GRM5: variants seen among roughly 807,000 people sequenced by gnomAD.
GRM5 encodes metabotropic glutamate receptor 5.
Under a neutral mutation model 83.1 loss-of-function variants are expected in GRM5, and 19 were observed. The ratio of observed to expected loss-of-function variants is 0.23; its 90% CI spans 0.16 to 0.34. The LOEUF is 0.34. Among genes scored for constraint, GRM5 ranks in the 10% least tolerant of loss-of-function variants. The pLI is 1.00. For missense variants in GRM5, 1,160 were observed against 1,588.3 expected (o/e 0.73, Z 4.58); for synonymous variants, 675 against 633.6 (o/e 1.07, Z -0.98).
chr11:88,906,024 T>C (rs1789895716), intron 2 of GRM5, among the ~76,000 whole-genome samples: 3 of 152,208 alleles, frequency 2.0e-5, no homozygotes, highest in African/African-American at 7.2e-5. Flanking sequence ...TATTCAAATT[T>C]ATTTAAGTAC....
At chr11:88,838,665 C>G (rs943306138) in intron 3 of GRM5, among the ~76,000 whole-genome samples, 1 of 152,114 alleles carries the variant, frequency 6.6e-6, no homozygotes, top group African/African-American at 2.4e-5. Flanking sequence ...TTATGTGACT[C>G]TACAGTTACA....
chr11:89,049,525 T>A (rs1941713033), intron 1 of GRM5, among the ~76,000 whole-genome samples: 1 of 152,196 alleles, frequency 6.6e-6, no homozygotes. Context: ...TTTACAAGAA[T>A]ACTAATGGTT....
intron 2 of GRM5, among the ~76,000 whole-genome samples, chr11:88,860,831 T>C (rs914778952): frequency 1.3e-5 from 2 of 152,084 alleles, no homozygotes; most frequent in African/African-American, 4.8e-5. Context: ...CATTTAAGAG[T>C]GGGTAACTAT....
intron 4 of GRM5, among the ~76,000 whole-genome samples, chr11:88,644,837 A>G (rs992259): frequency 0.69 from 104,369 of 151,866 alleles, 41,678 homozygotes; most frequent in Non-Finnish European, 0.9. Context: ...TAAGCACCAC[A>G]GTGGCAAAAA....
At chr11:88,525,473 G>C in intron 8 of GRM5, 69 bp from the exon 9 acceptor site, 1 of 956,700 alleles carries the variant, frequency 1.0e-6, no homozygotes, top group Non-Finnish European at 1.7e-6. Context: ...CCAGGCTGAG[G>C]AACGGCCGTG....
chr11:88,697,539 G>A (rs1269645874), intron 3 of GRM5, among the ~76,000 whole-genome samples: 2 of 152,108 alleles, frequency 1.3e-5, no homozygotes, highest in African/African-American at 2.4e-5. Flanking sequence ...CAATGTACAA[G>A]TGCAGCCACA....
chr11:88,838,021 C>T (rs1170527262), intron 3 of GRM5, among the ~76,000 whole-genome samples: 1 of 126,526 alleles, frequency 7.9e-6, no homozygotes, highest in African/African-American at 2.9e-5. Flanking sequence ...GGAGGCGGAG[C>T]TTGCAGTGAG....
chr11:88,515,621 A>T (rs1941499637), intron 9 of GRM5, among the ~76,000 whole-genome samples: 1 of 152,210 alleles, frequency 6.6e-6, no homozygotes, highest in African/African-American at 2.4e-5. Context: ...ATTTAAAAAA[A>T]TCTCACTAAA....
chr11:88,555,944 G>A (rs1476042544), intron 8 of GRM5, among the ~76,000 whole-genome samples: 2 of 152,052 alleles, frequency 1.3e-5, no homozygotes, highest in Non-Finnish European at 2.9e-5. Context: ...TTTTTATGAA[G>A]AATCATAAAT....
rs752512681 is a variant in GRM5, at chr11:88,567,550, G to C, written c.2133C>G (p.Leu711=). ...TTATGTCAGGAGGCTCCATTATAAA[G>C]AGGGCAACGATGATGCCCAACTGGA... is the stretch of plus-strand genomic sequence containing the variant. ...ICIQLGIIVA[L]FIMEPPDIMH... The change falls in exon 8 of 10, where the codon CTC becomes CTG. Residue 711 remains leucine (L), a synonymous_variant. Transcript: ENST00000305447. This position sits in a 1 kb window ranked among gnomAD's most constrained non-coding sequence, Gnocchi z 7.3. The C allele has an allele frequency of 6.2e-7, 1 of 1,613,858 alleles. No homozygotes were observed.
chr11:88,777,166 C>T (rs780796917), intron 3 of GRM5, among the ~76,000 whole-genome samples: 1 of 152,136 alleles, frequency 6.6e-6, no homozygotes, highest in Non-Finnish European at 1.5e-5. Context: ...ACCTTGTCTT[C>T]TCGCTTTATT....
At chr11:88,589,322 T>C (rs1937602296) in intron 7 of GRM5, among the ~76,000 whole-genome samples, 2 of 152,080 alleles carry the variant, frequency 1.3e-5, no homozygotes, top group South Asian at 4.1e-4. Context: ...GAAAACAGGA[T>C]GAATAAGAGC....
Position 88,942,175 on chromosome 11 carries a change from T to C in GRM5, c.662-92020A>G, listed in dbSNP as rs181615928. 4.1e-3 allele frequency among the ~76,000 whole-genome samples: 620 copies of C among 152,166 alleles called. 5 individuals are homozygous for C. The highest frequency in any genetic ancestry group is 0.014 in the African/African-American group (590 of 41,550). On this transcript the variant is annotated intron_variant, in intron 2 of 9. Coordinates refer to ENST00000305447, the MANE Select transcript of GRM5 (RefSeq NM_001143831.3). ...AGTAAATTAATGTTGACTTGTGCTG[T>C]AAGTATTCTCAGGCTGTGTCAGAAA...
intron 2 of GRM5, among the ~76,000 whole-genome samples, chr11:88,952,955 T>C (rs1336090547): frequency 2.0e-5 from 3 of 152,192 alleles, no homozygotes; most frequent in African/African-American, 7.2e-5. Flanking sequence ...ATTTGAGCGT[T>C]TGGATAATGG....
At chr11:88,874,245 T>C (rs1944814326) in intron 2 of GRM5, among the ~76,000 whole-genome samples, 2 of 151,690 alleles carry the variant, frequency 1.3e-5, no homozygotes, top group East Asian at 1.9e-4. Flanking sequence ...AACAGACATA[T>C]AGATCAATGG....
intron 4 of GRM5, among the ~76,000 whole-genome samples, chr11:88,647,398 G>A (rs911882806): frequency 4.6e-5 from 7 of 151,958 alleles, no homozygotes; most frequent in Non-Finnish European, 7.4e-5. Context: ...TGGTTATTAA[G>A]ATGACGCTTT....
chr11:89,029,136 T>G (rs1339544138), intron 2 of GRM5, among the ~76,000 whole-genome samples: 1 of 152,242 alleles, frequency 6.6e-6, no homozygotes, highest in Admixed American at 6.5e-5. Flanking sequence ...CTGCATAGTA[T>G]TCCATGGTTT....
intron 3 of GRM5, among the ~76,000 whole-genome samples, chr11:88,673,911 T>C (rs981329815): frequency 7.3e-5 from 11 of 150,092 alleles, no homozygotes; most frequent in African/African-American, 2.7e-4. Flanking sequence ...AAAACAAACA[T>C]ACTCTAGAGT....
chr11:88,730,769 C>G (rs1185613587), intron 3 of GRM5, among the ~76,000 whole-genome samples: 1 of 152,098 alleles, frequency 6.6e-6, no homozygotes, highest in Non-Finnish European at 1.5e-5. Flanking sequence ...AACACACGAA[C>G]AGAAAACCAA....
Sources: gnomAD v4.1 joint callset for allele counts (sites outside exome capture counted in the v4.1 genomes callset) on GRCh38, gnomAD v4.1.1 for gene constraint, Gnocchi (gnomAD v3.1) non-coding constraint, MANE v1.5 for transcripts, NCBI Gene and HGNC (gene_info 2026-07-23, HGNC 2026-07-21) for gene names.